Variants in CERKL observed in about 807,000 individuals in gnomAD.
CERKL encodes ceramide kinase-like protein.
In CERKL, 61 loss-of-function variants were observed where a neutral mutation model predicts 63.4. The observed-to-expected ratio is 0.96, with a 90% CI of 0.78 to 1.19. The LOEUF is 1.19. Among genes scored for constraint, CERKL ranks in the 50% most tolerant of loss-of-function variants. The pLI is 0.00. For synonymous variants in CERKL, 250 were observed against 230.5 expected, an observed-to-expected ratio of 1.08 and a Z score of -0.77; for missense variants, 675 against 655.5, an observed-to-expected ratio of 1.03 and a Z score of -0.33.
At chr2:181,605,965 A>C (rs1685658916) in intron 1 of CERKL, among the ~76,000 whole-genome samples, 1 of 151,934 alleles carries the variant, frequency 6.6e-6, no homozygotes, top group Non-Finnish European at 1.5e-5. Context: ...ACTATTCTGC[A>C]AGCTATAGTC....
rs115107044 is a variant in CERKL at position 181,651,560 on chromosome 2, A to G, written c.238+5209T>C. On this transcript the variant is annotated intron_variant, in intron 1 of 12. Coordinates refer to ENST00000410087, the MANE Select transcript of CERKL (RefSeq NM_201548.5). ...ATATGACAAATCCACAGCTAACATC[A>G]TACTGAATGGGAAAAGACCAATAAC... Among the ~76,000 whole-genome samples the G allele has an allele frequency of 3.1e-3, 477 of 152,350 alleles. 4 individuals are homozygous for G. The highest frequency in any genetic ancestry group is 0.011 in the African/African-American group (455 of 41,584).
chr2:181,536,888 G>C lies in CERKL; in HGVS notation c.*1296C>G, dbSNP rs1458029348. On this transcript the variant is annotated 3_prime_UTR_variant, in exon 13 of 13. Transcript: ENST00000410087. ...ATTTTGAACATCTGTTATAGGGAGT[G>C]ATCAAATTAGAAGGCAATGTGGAAA... 6 of 452,954 alleles carry C rather than the reference G, an allele frequency of 1.3e-5. No individual in the cohort carries two copies. The highest frequency in any genetic ancestry group is 2.2e-5 in the Non-Finnish European group (5 of 226,384). The allele number at this position is 452,954 out of a possible 1,614,324, so 28.1% of individuals were successfully genotyped here.
chr2:181,606,192 GGAAA>G (rs1440388669), intron 1 of CERKL, among the ~76,000 whole-genome samples: 2 of 134,812 alleles, frequency 1.5e-5, no homozygotes, highest in African/African-American at 6.2e-5. Flanking sequence ...AGAAGAAAAA[GGAAA>G]GAAAGGAAAA....
chr2:181,655,631 C>T (rs961520382), intron 1 of CERKL, among the ~76,000 whole-genome samples: 20 of 152,162 alleles, frequency 1.3e-4, no homozygotes, highest in Non-Finnish European at 1.5e-4. Flanking sequence ...GTGCTGAATC[C>T]CTGGCTAGTT....
rs372707835 is a variant in CERKL at position 181,603,636 on chromosome 2, GGATGTA to G, written c.481+195_481+200del. 7 of 649,930 alleles carry G rather than the reference GGATGTA, an allele frequency of 1.1e-5. 1 individual carries two copies. The highest frequency in any genetic ancestry group is 3.1e-5 in the South Asian group (2 of 64,896). The allele number at this position is 649,930 out of a possible 1,614,324, so 40.3% of individuals were successfully genotyped here. A position where few individuals can be genotyped will look rare whatever the true frequency, so the allele number is the denominator to read the frequency against. The stretch of plus-strand genomic sequence containing the variant: ...ATTAATATAAGATACCACATTAACA[GGATGTA>G]GGGAAAAATATGATTATCTCAATTA... On this transcript the variant is annotated intron_variant, in intron 2 of 12. Transcript: ENST00000410087.
chr2:181,590,198 CACGATCTTG>C (rs918306436), intron 2 of CERKL, among the ~76,000 whole-genome samples: 9 of 151,606 alleles, frequency 5.9e-5, no homozygotes, highest in African/African-American at 2.2e-4. Flanking sequence ...AGTGCAGTGG[CACGATCTTG>C]ACTCACTGCA....
At chr2:181,583,778 G>GA in intron 2 of CERKL, among the ~76,000 whole-genome samples, 2 of 152,118 alleles carry the variant, frequency 1.3e-5, no homozygotes. Flanking sequence ...TAAAACATAC[G>GA]AAAAAACATG....
intron 2 of CERKL, among the ~76,000 whole-genome samples, chr2:181,600,583 C>T (rs1390335391): frequency 1.3e-5 from 2 of 152,028 alleles, no homozygotes; most frequent in Admixed American, 1.3e-4. Context: ...TGAGAAGAAA[C>T]AGACATTAAA....
At chr2:181,547,513 A>G in intron 10 of CERKL, 105 bp downstream of exon 10, 1 of 838,296 alleles carries the variant, frequency 1.2e-6, no homozygotes, top group South Asian at 1.4e-5. Flanking sequence ...ATACAAAGAT[A>G]AACTACCTGT....
At chr2:181,542,237 C>A (rs917230147) in intron 11 of CERKL, among the ~76,000 whole-genome samples, 1 of 152,130 alleles carries the variant, frequency 6.6e-6, no homozygotes, top group Non-Finnish European at 1.5e-5. Flanking sequence ...TAATTTTACA[C>A]AGAGATGGGG....
intron 4 of CERKL, among the ~76,000 whole-genome samples, chr2:181,562,394 C>G (rs866163991): frequency 6.6e-6 from 1 of 152,110 alleles, no homozygotes; most frequent in South Asian, 2.1e-4. Context: ...TTCTCAGGAC[C>G]CCCCTGGGGT....
chr2:181,581,091 T>C (rs1002572697), intron 2 of CERKL, among the ~76,000 whole-genome samples: 2 of 152,202 alleles, frequency 1.3e-5, no homozygotes, highest in African/African-American at 2.4e-5. Flanking sequence ...AGCAATACTA[T>C]TTCTCCCAAT....
chr2:181,647,724 G>A (rs1024869660), intron 1 of CERKL, among the ~76,000 whole-genome samples: 2 of 152,098 alleles, frequency 1.3e-5, no homozygotes, highest in Admixed American at 1.3e-4. Context: ...ACACGACACT[G>A]CCAAAGGAAC....
rs762369916 is a variant in CERKL, at chr2:181,536,919, T to C, written c.*1265A>G. ...ATTAGAAGGCAATGTGGAAAAACAA[T>C]TCTGGGAAAGATTTCTTTATATGAA... On this transcript the variant is annotated 3_prime_UTR_variant, in exon 13 of 13. Coordinates refer to ENST00000410087, the MANE Select transcript of CERKL (RefSeq NM_201548.5). The C allele has an allele frequency of 2.2e-6, 1 of 453,458 alleles. No individual in the cohort carries two copies. Among genetic ancestry groups the C allele is most frequent in the South Asian group, 1.6e-5 (1 of 64,350 alleles). 28.1% of individuals were successfully genotyped at this position (453,458 alleles called of 1,614,324 possible). A position where few individuals can be genotyped will look rare whatever the true frequency, so the allele number is the denominator to read the frequency against.
chr2:181,542,914 A>G (rs1410630422), intron 11 of CERKL, among the ~76,000 whole-genome samples: 1 of 152,184 alleles, frequency 6.6e-6, no homozygotes, highest in African/African-American at 2.4e-5. Context: ...AAAAATGAAG[A>G]AGAAGAATGT....
chr2:181,632,560 T>A (rs147952154), intron 1 of CERKL, among the ~76,000 whole-genome samples: 33 of 152,308 alleles, frequency 2.2e-4, no homozygotes, highest in African/African-American at 7.2e-4. Context: ...CCAAGCACCA[T>A]ACAAAGTTAA....
chr2:181,543,430 G>T (rs144105955), intron 11 of CERKL, among the ~76,000 whole-genome samples: 1,929 of 152,240 alleles, frequency 0.013, 48 homozygotes, highest in African/African-American at 0.044. Context: ...AAAGAAAGTG[G>T]GACTGTAATT....
intron 11 of CERKL, among the ~76,000 whole-genome samples, chr2:181,540,726 G>A (rs1687466874): frequency 6.6e-6 from 1 of 152,186 alleles, no homozygotes; most frequent in Admixed American, 6.5e-5. Flanking sequence ...ACGCTGTTAA[G>A]TGGGACTTTC....
At position 181,610,210 on chromosome 2, in the gene CERKL, AAAG is replaced by A. The variant is rs1269644099; in HGVS notation, c.239-6134_239-6132del. 3.3e-5 allele frequency among the ~76,000 whole-genome samples: 5 copies of A among 152,334 alleles called. No individual in the cohort carries two copies. The South Asian group carries it at 6.2e-4, about 19-fold the overall frequency. ...AAAAGACCCAAGCAGGCATTTCACAAAAGAAGAAATGCAAATTGACCAATGAAC... is the reference window on the plus strand; with the variant it reads ...AAAAGACCCAAGCAGGCATTTCACAAAAGAAATGCAAATTGACCAATGAAC... On this transcript the variant is annotated intron_variant, in intron 1 of 12. Transcript: ENST00000410087.
Sources: allele counts gnomAD v4.1 joint callset (sites outside exome capture counted in the v4.1 genomes callset), GRCh38; gene constraint gnomAD v4.1.1; transcripts MANE v1.5; gene names NCBI Gene and HGNC (gene_info 2026-07-23, HGNC 2026-07-21).